The following ZFHX3 variants were observed in gnomAD, a reference collection of about 807,000 sequenced individuals.
ZFHX3 encodes the protein zinc finger homeobox protein 3.
In ZFHX3, 42 loss-of-function variants were observed where a neutral mutation model predicts 279.1. The observed-to-expected ratio is 0.15, with a 90% CI of 0.12 to 0.19. The LOEUF (loss-of-function observed/expected upper bound fraction) is 0.19, where lower values mean the gene tolerates loss of function less well. Among genes scored for constraint, ZFHX3 ranks in the 10% least tolerant of loss-of-function variants. The pLI is 1.00. For missense variants in ZFHX3, 4,981 were observed against 4,754.0 expected (o/e 1.05, Z -1.40); for synonymous variants, 2,293 against 1,957.8 (o/e 1.17, Z -4.52).
intron 2 of ZFHX3, among the ~76,000 whole-genome samples, chr16:73,671,571 T>A (rs1255285690): frequency 6.6e-6 from 1 of 152,274 alleles, no homozygotes; most frequent in Admixed American, 6.5e-5. Flanking sequence ...GTTTTATTTC[T>A]AACCTGGCAG....
At chr16:73,500,091 A>G (rs1208499803) in intron 2 of ZFHX3, 1 of 152,242 alleles carries the variant, frequency 6.6e-6, no homozygotes, top group Non-Finnish European at 1.5e-5. Context: ...CTGTACTTAC[A>G]AAATAAAAAA....
intron 1 of ZFHX3, among the ~76,000 whole-genome samples, chr16:73,810,310 G>A (rs1270338318): frequency 6.6e-6 from 1 of 152,080 alleles, no homozygotes; most frequent in East Asian, 1.9e-4. Context: ...GAGTATTTGG[G>A]CCCCTGATGA....
intron 4 of ZFHX3, among the ~76,000 whole-genome samples, chr16:73,301,481 C>T (rs1386249175): frequency 1.3e-5 from 2 of 152,172 alleles, no homozygotes; most frequent in Admixed American, 1.3e-4. Context: ...CTGGCCTCTA[C>T]CCTCCAGATG....
In ZFHX3 at chr16:73,311,791, CG is replaced by C. The variant is rs1479906674; in HGVS notation, c.-1194+6448del. On this transcript the variant is annotated intron_variant, in intron 4 of 17. Coordinates refer to the ZFHX3 transcript ENST00000641206. ...GAAACATAGGCCAAACTTAACAAGA[CG>C]AAATATAATTGGACCGTGCAACATT... is the stretch of plus-strand genomic sequence containing the variant. 3.9e-5 allele frequency among the ~76,000 whole-genome samples: 6 copies of C among 151,932 alleles called. No individual in the cohort carries two copies. In the East Asian group the frequency reaches 1.2e-3, roughly 29 times the overall value.
chr16:73,044,619 T>C (rs2144710817), intron 1 of ZFHX3, among the ~76,000 whole-genome samples: 1 of 151,934 alleles, frequency 6.6e-6, no homozygotes, highest in African/African-American at 2.4e-5. Context: ...TGTTTGTTTG[T>C]TTGTTTGCTT....
chr16:73,172,988 GTTTTTTTGTTTTTTTTTTTGTTTTTTT>G (rs1279635352), intron 5 of ZFHX3, among the ~76,000 whole-genome samples: 3 of 46,170 alleles, frequency 6.5e-5, no homozygotes, highest in Non-Finnish European at 1.1e-4. Flanking sequence ...TGATGGGACT[GTTTTTTTGTTTTTTTTTTTGTTTTTTT>G]TTTTTTTTTT....
chr16:72,786,523 GT>G lies in ZFHX3; in HGVS notation c.*640del, dbSNP rs2035378650. On this transcript the variant is annotated 3_prime_UTR_variant, in exon 10 of 10. Coordinates refer to ENST00000268489, the MANE Select transcript of ZFHX3 (RefSeq NM_006885.4). ...CCAGAAAGCTAAAGCAGTTCACATT[GT>G]TTTTCTTGAATACTTTCTGCCCATT... The G allele has an allele frequency of 1.7e-5, 2 of 116,860 alleles. No homozygotes were observed. Among genetic ancestry groups the G allele is most frequent in the African/African-American group, 6.7e-5 (2 of 29,746 alleles). 7.2% of individuals were successfully genotyped at this position (116,860 alleles called of 1,614,324 possible).
At chr16:73,187,138 T>C (rs1203312875) in intron 5 of ZFHX3, among the ~76,000 whole-genome samples, 2 of 108,034 alleles carry the variant, frequency 1.9e-5, no homozygotes, top group African/African-American at 3.6e-5. Context: ...GGACAAGTTG[T>C]ATGTCTCACA....
chr16:73,409,713 C>T (rs2017428745), intron 3 of ZFHX3, among the ~76,000 whole-genome samples: 1 of 152,066 alleles, frequency 6.6e-6, no homozygotes, highest in Non-Finnish European at 1.5e-5. Context: ...TTGGAAGTGA[C>T]CTAAGGGTAC....
intron 1 of ZFHX3, among the ~76,000 whole-genome samples, chr16:73,054,105 C>T (rs567307805): frequency 2.6e-5 from 4 of 152,120 alleles, no homozygotes; most frequent in African/African-American, 7.2e-5. Context: ...AACCCAGTTA[C>T]TACTGCCCCC....
chr16:73,811,341 G>T (rs1960418592), intron 1 of ZFHX3, among the ~76,000 whole-genome samples: 1 of 151,908 alleles, frequency 6.6e-6, no homozygotes, highest in Non-Finnish European at 1.5e-5. Flanking sequence ...CTCTAAAAGT[G>T]ATAGGTACAG....
intron 1 of ZFHX3, among the ~76,000 whole-genome samples, chr16:72,981,638 G>T (rs1962603662): frequency 6.6e-6 from 1 of 152,066 alleles, no homozygotes; most frequent in Non-Finnish European, 1.5e-5. Flanking sequence ...GTAGGTAAAC[G>T]GCCCAGTGGT....
chr16:73,667,516 G>A (rs1455485543), intron 2 of ZFHX3, among the ~76,000 whole-genome samples: 4 of 152,180 alleles, frequency 2.6e-5, no homozygotes, highest in Admixed American at 2.0e-4. Context: ...CAAAGTGGTT[G>A]TACCATTTTG....
At position 72,796,595 on chromosome 16, in the gene ZFHX3, C is replaced by G; in HGVS notation, c.6087G>C (p.Leu2029=). 1 of 1,613,798 alleles carries G rather than the reference C, an allele frequency of 6.2e-7. No homozygotes were observed. The highest frequency in any genetic ancestry group is 8.5e-7 in the Non-Finnish European group (1 of 1,180,006). Residue 2029 remains leucine (L), a synonymous_variant, in exon 9 of 10, where the codon CTG becomes CTC. Coordinates refer to ENST00000268489, the MANE Select transcript of ZFHX3 (RefSeq NM_006885.4). ...CTGGGGTCTGGGGCCTCAGTGGGTA[C>G]AGTTTATCGTAGTGGTCTCTGTACT... ...AKQYRDHYDK[L]YPLRPQTPEP...
chr16:73,871,334 C>T (rs757540838), intron 1 of ZFHX3, among the ~76,000 whole-genome samples: 1 of 152,150 alleles, frequency 6.6e-6, no homozygotes, highest in Non-Finnish European at 1.5e-5. Context: ...TATTTTAAAC[C>T]GCCTGTCCGC....
intron 2 of ZFHX3, among the ~76,000 whole-genome samples, chr16:73,533,833 C>A (rs2019848753): frequency 6.6e-6 from 1 of 152,150 alleles, no homozygotes; most frequent in Non-Finnish European, 1.5e-5. Flanking sequence ...CTTCTTGGTG[C>A]TTCCTCCTAA....
intron 1 of ZFHX3, among the ~76,000 whole-genome samples, chr16:72,988,286 T>A (rs766650889): frequency 1.1e-4 from 17 of 152,136 alleles, no homozygotes; most frequent in African/African-American, 3.9e-4. Context: ...ATAAGCACAG[T>A]CTAGGGCAGG....
chr16:73,515,530 G>T (rs989093835), intron 2 of ZFHX3, among the ~76,000 whole-genome samples: 10 of 148,848 alleles, frequency 6.7e-5, no homozygotes. Flanking sequence ...AAGAAAGAGG[G>T]AGAGAGAGAG....
rs935221660 is a variant in ZFHX3, at chr16:73,153,001, G to A, written c.-1103-9170C>T. On this transcript the variant is annotated intron_variant, in intron 5 of 17. Transcript: ENST00000641206. ...GGGGGAGGGGTGTCTGGAATTTTTG[G>A]ATGGTTTTGCTATCAGGCTTTGTTA... Among the ~76,000 whole-genome samples, 5 of 152,238 alleles carry A rather than the reference G, an allele frequency of 3.3e-5. No individual in the cohort carries two copies. In the East Asian group the frequency reaches 9.7e-4, roughly 29 times the overall value.
Sources: gnomAD v4.1 joint callset for allele counts (sites outside exome capture counted in the v4.1 genomes callset) on GRCh38, gnomAD v4.1.1 for gene constraint, MANE v1.5 for transcripts, NCBI Gene and HGNC (gene_info 2026-07-23, HGNC 2026-07-21) for gene names.